The following PREX2 variants were observed in gnomAD, a reference collection of about 807,000 sequenced individuals.
PREX2 encodes phosphatidylinositol-3,4,5-trisphosphate dependent Rac exchange factor 2.
PREX2 carries 107 observed loss-of-function variants against 203.2 expected under a neutral mutation model. The ratio of observed to expected loss-of-function variants is 0.53; its 90% CI spans 0.45 to 0.62. PREX2 has a LOEUF of 0.62. PREX2 is among the 20% of genes least tolerant of loss of function. The probability of loss-of-function intolerance (pLI) is 0.00; values close to 1 mark genes in which losing one functional copy is unlikely to be tolerated. For synonymous variants in PREX2, 672 were observed against 663.6 expected (o/e 1.01, Z -0.19); for missense variants, 1,777 against 1,955.9 (o/e 0.91, Z 1.72).
chr8:68,115,697 G>T (rs1341681883), intron 25 of PREX2, 56 bp from the exon 26 acceptor site: 5 of 1,261,124 alleles, frequency 4.0e-6, no homozygotes, highest in Non-Finnish European at 5.5e-6. Flanking sequence ...AAATAAGGTA[G>T]TTATATATAG....
At chr8:68,195,885 T>C (rs1322622565) in intron 37 of PREX2, among the ~76,000 whole-genome samples, 1 of 152,182 alleles carries the variant, frequency 6.6e-6, no homozygotes, top group Non-Finnish European at 1.5e-5. Context: ...TTGTATGTGT[T>C]TGATATTAAA....
intron 1 of PREX2, among the ~76,000 whole-genome samples, chr8:67,965,471 CAT>C (rs1382564941): frequency 1.3e-5 from 2 of 150,900 alleles, no homozygotes; most frequent in Admixed American, 6.6e-5. Context: ...GTATAATTAA[CAT>C]ATGTAATTAT....
At chr8:68,068,465 A>G (rs1809085052) in intron 11 of PREX2, among the ~76,000 whole-genome samples, 1 of 152,114 alleles carries the variant, frequency 6.6e-6, no homozygotes, top group African/African-American at 2.4e-5. Context: ...TTTTGGCATC[A>G]GTTAGATACT....
In PREX2 at chr8:68,053,173, T is replaced by A; in HGVS notation, c.1020T>A (p.Val340=). 1.2e-6 allele frequency: 2 copies of A among 1,613,790 alleles called. No individual in the cohort carries two copies. The highest frequency in any genetic ancestry group is 8.5e-7 in the Non-Finnish European group (1 of 1,179,766). Residue 340 remains valine (V), a synonymous_variant, in exon 9 of 40, where the codon GTT becomes GTA. Transcript: ENST00000288368. The part of the protein sequence containing the change: ...IHNTAKNKWF[V]CMAKTPEEKH... Reference sequence around the variant, plus strand: ...ACACAGCAAAAAATAAATGGTTTGTTTGTATGGCAAAAACACCTGAAGAGA... The same window carrying A: ...ACACAGCAAAAAATAAATGGTTTGTATGTATGGCAAAAACACCTGAAGAGA...
intron 1 of PREX2, among the ~76,000 whole-genome samples, chr8:68,001,303 GAAGA>G (rs71253050): frequency 0.68 from 103,740 of 151,460 alleles, 35,725 homozygotes; most frequent in South Asian, 0.81. Context: ...CTTTTCAAAA[GAAGA>G]AAGACATGCA....
chr8:67,970,217 C>A (rs534900739), intron 1 of PREX2, among the ~76,000 whole-genome samples: 1 of 152,000 alleles, frequency 6.6e-6, no homozygotes, highest in Non-Finnish European at 1.5e-5. Context: ...CTAAACAGAT[C>A]GAAATCTATT....
intron 30 of PREX2, among the ~76,000 whole-genome samples, chr8:68,124,913 G>A (rs1208598347): frequency 6.6e-6 from 1 of 151,374 alleles, no homozygotes; most frequent in African/African-American, 2.5e-5. Context: ...TCAATGGTGT[G>A]GGGAGGGCTC....
chr8:68,149,982 C>T (rs1332261437), intron 34 of PREX2, among the ~76,000 whole-genome samples: 1 of 152,194 alleles, frequency 6.6e-6, no homozygotes, highest in African/African-American at 2.4e-5. Context: ...TAAAATATTT[C>T]TGCATGTTAG....
intron 27 of PREX2, 46 bp from the exon 28 acceptor site, chr8:68,119,386 G>T (rs1459235545): frequency 8.0e-7 from 1 of 1,246,592 alleles, no homozygotes; most frequent in Admixed American, 1.7e-5. Flanking sequence ...TTAAACATAA[G>T]ATGAGTGATT....
chr8:68,128,369 T>TA (rs111404049), intron 31 of PREX2, among the ~76,000 whole-genome samples: 6,621 of 152,200 alleles, frequency 0.044, 418 homozygotes, highest in African/African-American at 0.14. Context: ...TTTGTTGTGT[T>TA]TAAAAAAATT....
intron 1 of PREX2, among the ~76,000 whole-genome samples, chr8:67,999,681 A>G (rs988448130): frequency 6.6e-6 from 1 of 152,148 alleles, no homozygotes; most frequent in Middle Eastern, 3.2e-3. Context: ...CTTCAGGCGC[A>G]TATTCTTGAT....
chr8:68,211,537 G>C (rs1272251788), intron 37 of PREX2, among the ~76,000 whole-genome samples: 1 of 152,082 alleles, frequency 6.6e-6, no homozygotes, highest in Non-Finnish European at 1.5e-5. Flanking sequence ...ATCACTTCAG[G>C]TCATTCTTGC....
In PREX2 at chr8:67,957,582, T is replaced by C. The variant is rs972938917; in HGVS notation, c.141+5047T>C. On this transcript the variant is annotated intron_variant, in intron 1 of 39. Transcript: ENST00000288368. The stretch of plus-strand genomic sequence containing the variant: ...ATTCCCAGAGAAAAGGGGGTTTGCA[T>C]TTACTTCCTATGTATGCTTTTCTTG... Among the ~76,000 whole-genome samples, 7 of 152,312 alleles carry C rather than the reference T, an allele frequency of 4.6e-5. No homozygotes were observed. In the East Asian group the frequency reaches 1.3e-3, roughly 29 times the overall value.
chr8:68,047,480 T>TATATATATATATATATATACAC (rs1808392381), intron 8 of PREX2, among the ~76,000 whole-genome samples: 4 of 62,704 alleles, frequency 6.4e-5, no homozygotes, highest in Admixed American at 1.5e-4. Context: ...TATATATATA[T>TATATATATATATATATATACAC]ATATATATAT....
intron 1 of PREX2, among the ~76,000 whole-genome samples, chr8:67,994,894 A>G (rs1018185816): frequency 6.6e-6 from 1 of 152,218 alleles, no homozygotes; most frequent in Non-Finnish European, 1.5e-5. Context: ...CAGGGGTTAG[A>G]TCCTATAAGA....
At chr8:68,030,007 A>G (rs1363278071) in intron 5 of PREX2, among the ~76,000 whole-genome samples, 1 of 152,142 alleles carries the variant, frequency 6.6e-6, no homozygotes, top group Non-Finnish European at 1.5e-5. Context: ...GTTGTAGTAT[A>G]AGACATTATT....
At chr8:68,174,651 C>T (rs1811944050) in intron 35 of PREX2, among the ~76,000 whole-genome samples, 1 of 152,166 alleles carries the variant, frequency 6.6e-6, no homozygotes, top group Admixed American at 6.6e-5. Flanking sequence ...TCTATGGTAA[C>T]ACTTAACCCA....
chr8:68,136,072 G>A (rs945467769), intron 32 of PREX2, among the ~76,000 whole-genome samples: 1 of 152,148 alleles, frequency 6.6e-6, no homozygotes, highest in Admixed American at 6.5e-5. Flanking sequence ...ACAGCTGATG[G>A]TTGGGGGCAG....
In PREX2 at chr8:67,992,294, A is replaced by C. The variant is rs191121416; in HGVS notation, c.142-25552A>C. Among the ~76,000 whole-genome samples, 416 of 152,300 alleles carry C rather than the reference A, an allele frequency of 2.7e-3. 1 individual carries two copies. Among genetic ancestry groups the C allele is most frequent in the African/African-American group, 9.5e-3 (394 of 41,564 alleles). On this transcript the variant is annotated intron_variant, in intron 1 of 39. Coordinates refer to ENST00000288368, the MANE Select transcript of PREX2 (RefSeq NM_024870.4). ...GGTAGTATGATGTCATAGATTGACC[A>C]TTTGTTAAGACACAACCCCCTAATC...
Sources: gnomAD v4.1 joint callset for allele counts (sites outside exome capture counted in the v4.1 genomes callset) on GRCh38, gnomAD v4.1.1 for gene constraint, MANE v1.5 for transcripts, NCBI Gene and HGNC (gene_info 2026-07-23, HGNC 2026-07-21) for gene names.